The following GPR157 variants were observed in gnomAD, a reference collection of about 807,000 sequenced individuals.
GPR157 encodes G-protein coupled receptor 157.
A neutral mutation model predicts 23.5 loss-of-function variants in GPR157; 16 were observed. That is an observed-to-expected ratio of 0.68 (90% confidence interval 0.46 to 1.04). The LOEUF (loss-of-function observed/expected upper bound fraction) is 1.04. Among genes scored for constraint, GPR157 ranks in the 50% least tolerant of loss-of-function variants. GPR157 has a pLI of 0.00. For missense variants in GPR157, 440 were observed against 460.7 expected (o/e 0.96, Z 0.41); for synonymous variants, 200 against 221.5 (o/e 0.90, Z 0.86).
chr1:9,116,679 G>A (rs1638686806), intron 1 of GPR157, among the ~76,000 whole-genome samples: 1 of 150,610 alleles, frequency 6.6e-6, no homozygotes, highest in Non-Finnish European at 1.5e-5. Flanking sequence ...GAACCGGGGA[G>A]GTGGCAGTGA....
chr1:9,123,656 A>AT lies in GPR157; in HGVS notation c.383+4988dup, dbSNP rs1286442427. On this transcript the variant is annotated intron_variant, in intron 1 of 3. Coordinates refer to ENST00000377411, the MANE Select transcript of GPR157 (RefSeq NM_024980.5). ...AAATATACATTAATATTAAATATATATTAAATATATATTTAATATTAAATA... is the reference window on the plus strand; with the variant it reads ...AAATATACATTAATATTAAATATATATTTAAATATATATTTAATATTAAATA... Among the ~76,000 whole-genome samples, 5 of 113,646 alleles carry AT rather than the reference A, an allele frequency of 4.4e-5. No individual in the cohort carries two copies. In the East Asian group the frequency reaches 1.1e-3, roughly 26 times the overall value. 74.6% of individuals were successfully genotyped at this position (113,646 alleles called of 152,430 possible).
intron 1 of GPR157, among the ~76,000 whole-genome samples, chr1:9,122,203 A>G (rs1638813774): frequency 6.6e-6 from 1 of 152,182 alleles, no homozygotes; most frequent in Admixed American, 6.5e-5. Context: ...TGGGCGTGGT[A>G]AACACACAGC....
intron 1 of GPR157, among the ~76,000 whole-genome samples, chr1:9,112,362 C>T (rs1638530595): frequency 2.0e-5 from 3 of 152,216 alleles, no homozygotes; most frequent in Admixed American, 2.0e-4. Context: ...GGACTTCTTA[C>T]ACAATGGCGG....
chr1:9,121,357 G>T (rs1638795095), intron 1 of GPR157, among the ~76,000 whole-genome samples: 1 of 146,824 alleles, frequency 6.8e-6, no homozygotes, highest in African/African-American at 2.5e-5. Context: ...AACAAAACAG[G>T]CCAGGTGTGG....
chr1:9,124,410 G>A (rs1323484333), intron 1 of GPR157, among the ~76,000 whole-genome samples: 3 of 152,208 alleles, frequency 2.0e-5, no homozygotes, highest in Non-Finnish European at 4.4e-5. Flanking sequence ...GCTTCCCCCT[G>A]CAGAGAGCCT....
intron 2 of GPR157, among the ~76,000 whole-genome samples, chr1:9,110,785 T>C (rs1363730513): frequency 1.3e-5 from 2 of 152,212 alleles, no homozygotes; most frequent in Middle Eastern, 3.2e-3. Flanking sequence ...TAGGATATAA[T>C]AAATCACTAG....
intron 2 of GPR157, among the ~76,000 whole-genome samples, chr1:9,109,855 G>A (rs1296917645): frequency 6.6e-6 from 1 of 152,184 alleles, no homozygotes; most frequent in Non-Finnish European, 1.5e-5. Context: ...CACAACGGGA[G>A]TGGAGGGTGG....
Position 9,105,818 on chromosome 1 carries a change from T to A in GPR157, c.598-138A>T. ...ATGTGTGGTGGAGCCCGGATCCTTC[T>A]CCTGAACCCTGACTGCTAGATCCTC... On this transcript the variant is annotated intron_variant, in intron 2 of 3. Transcript: ENST00000377411. This position sits in a 1 kb window ranked among gnomAD's most constrained non-coding sequence, Gnocchi z 4.8. 1.5e-6 allele frequency: 1 copy of A among 680,856 alleles called. No individual in the cohort carries two copies. Among genetic ancestry groups the A allele is most frequent in the Non-Finnish European group, 2.4e-6 (1 of 409,410 alleles). 42.2% of individuals were successfully genotyped at this position (680,856 alleles called of 1,614,324 possible).
chr1:9,123,785 TA>T lies in GPR157; in HGVS notation c.383+4859del, dbSNP rs1294225463. 9.4e-3 allele frequency among the ~76,000 whole-genome samples: 1,252 copies of T among 133,328 alleles called. 27 individuals carry two copies. Among genetic ancestry groups the T allele is most frequent in the Non-Finnish European group, 0.014 (897 of 64,652 alleles). 87.5% of individuals were successfully genotyped at this position (133,328 alleles called of 152,430 possible). A position where few individuals can be genotyped will look rare whatever the true frequency, so the allele number is the denominator to read the frequency against. ...TTATATATATTTAATATTAAATATA[TA>T]TTTAATATTATATATATATAATATT... On this transcript the variant is annotated intron_variant, in intron 1 of 3. Transcript: ENST00000377411.
intron 1 of GPR157, among the ~76,000 whole-genome samples, chr1:9,111,873 G>A (rs1638511601): frequency 6.6e-6 from 1 of 152,170 alleles, no homozygotes; most frequent in South Asian, 2.1e-4. Context: ...GGGAGGCTGA[G>A]GCAGGAGAAT....
In GPR157 at chr1:9,128,935, C is replaced by T. The variant is rs1639032622; in HGVS notation, c.93G>A (p.Leu31=). ...SCALSALGSG[L]LVATHALWPD... is the part of the protein sequence containing the mutation. ...GCCACAGGGCGTGCGTGGCCACCAG[C>T]AGGCCCGAGCCGAGCGCGGAGAGTG... is the stretch of plus-strand genomic sequence containing the variant. Residue 31 remains leucine (L), a synonymous_variant, in exon 1 of 4, where the codon CTG becomes CTA. Coordinates refer to ENST00000377411, the MANE Select transcript of GPR157 (RefSeq NM_024980.5). The surrounding 1 kb of genome is among the most constrained non-coding windows in gnomAD (Gnocchi z 6.3). 1.3e-6 allele frequency: 2 copies of T among 1,520,722 alleles called. No homozygotes were observed. The highest frequency in any genetic ancestry group is 2.8e-5 in the African/African-American group (2 of 72,264). The allele number at this position is 1,520,722 out of a possible 1,614,324, so 94.2% of individuals were successfully genotyped here.
At position 9,111,285 on chromosome 1, in the gene GPR157, G is replaced by T. The variant is rs1409649998; in HGVS notation, c.588C>A (p.Ile196=). The T allele has an allele frequency of 6.2e-7, 1 of 1,614,156 alleles. No homozygotes were observed. Among genetic ancestry groups the T allele is most frequent in the Admixed American group, 1.7e-5 (1 of 60,028 alleles). Residue 196 remains isoleucine (I), a synonymous_variant, in exon 2 of 4, where the codon ATC becomes ATA. Transcript: ENST00000377411. ...PLLYLLVRKH[I]NRAHTALSEY... ...TAAGGGCAGCGCCTACCGCTCTGTT[G>T]ATGTGCTTCCGGACCAGGAGGTACA...
chr1:9,123,776 T>TA (rs1557701449), intron 1 of GPR157, among the ~76,000 whole-genome samples: 1 of 130,368 alleles, frequency 7.7e-6, no homozygotes, highest in African/African-American at 2.8e-5. Context: ...ATATTTAATA[T>TA]TAAATATATA....
At chr1:9,111,867 G>A (rs1638511454) in intron 1 of GPR157, among the ~76,000 whole-genome samples, 1 of 152,198 alleles carries the variant, frequency 6.6e-6, no homozygotes, top group Non-Finnish European at 1.5e-5. Flanking sequence ...CTACTTGGGA[G>A]GCTGAGGCAG....
At chr1:9,107,091 GTTATTCACCCTT>G (rs1638359901) in intron 2 of GPR157, among the ~76,000 whole-genome samples, 1 of 152,170 alleles carries the variant, frequency 6.6e-6, no homozygotes, top group Admixed American at 6.5e-5. Context: ...GTCCCACGAT[GTTATTCACCCTT>G]GTTCCTTGGG....
In GPR157 at chr1:9,105,521, G is replaced by C. The variant is rs751315315; in HGVS notation, c.757C>G (p.Pro253Ala). The C allele has an allele frequency of 3.8e-6, 6 of 1,588,062 alleles. No homozygotes were observed. Among genetic ancestry groups the C allele is most frequent in the Non-Finnish European group, 5.1e-6 (6 of 1,167,836 alleles). Residue 253 changes from proline (P) to alanine (A), a missense_variant, in exon 3 of 4, where the codon CCG (proline) becomes GCG (alanine). By Grantham distance (27) the Pro-to-Ala change is conservative. Transcript: ENST00000377411. This position sits in a 1 kb window ranked among gnomAD's most constrained non-coding sequence, Gnocchi z 4.8. ...ACCAGCACCGGCGTCTGCACGGCCG[G>C]GGAGCCACAGAGGGTCAGCACGAAC... ...VRFVLTLCGS[P>A]AVQTPVLVVL...
rs769155205 is a variant in GPR157 at position 9,128,635 on chromosome 1, C to G, written c.383+10G>C. The G allele has an allele frequency of 8.7e-6, 14 of 1,611,992 alleles. No individual in the cohort carries two copies. The highest frequency in any genetic ancestry group is 1.2e-5 in the Non-Finnish European group (14 of 1,179,418). On this transcript the variant is annotated intron_variant, in intron 1 of 3. Transcript: ENST00000377411. The surrounding 1 kb of genome is among the most constrained non-coding windows in gnomAD (Gnocchi z 6.3). Reference sequence around the variant, plus strand: ...GGGGCTCCTGGAAAAGCAGCGCCACCGCCACCCACCTGACGACATGGAAGG... The same window carrying G: ...GGGGCTCCTGGAAAAGCAGCGCCACGGCCACCCACCTGACGACATGGAAGG...
chr1:9,114,007 T>C (rs967368409), intron 1 of GPR157, among the ~76,000 whole-genome samples: 1 of 121,084 alleles, frequency 8.3e-6, no homozygotes, highest in Non-Finnish European at 1.7e-5. Context: ...ACACCACCCA[T>C]AAAAGAAAGG....
chr1:9,128,587 C>G lies in GPR157; in HGVS notation c.383+58G>C. 2 of 1,543,550 alleles carry G rather than the reference C, an allele frequency of 1.3e-6. No homozygotes were observed. Among genetic ancestry groups the G allele is most frequent in the Non-Finnish European group, 1.8e-6 (2 of 1,123,522 alleles). ...AGACGCGGCCTCTGGGAGGGCAAGA[C>G]CGGGAGGGGTCGGCCTGTGTCGGGG... On this transcript the variant is annotated intron_variant, in intron 1 of 3. Coordinates refer to ENST00000377411, the MANE Select transcript of GPR157 (RefSeq NM_024980.5). The surrounding 1 kb of genome is among the most constrained non-coding windows in gnomAD (Gnocchi z 6.3).
Sources: allele counts gnomAD v4.1 joint callset (sites outside exome capture counted in the v4.1 genomes callset), GRCh38; gene constraint gnomAD v4.1.1; non-coding constraint Gnocchi (gnomAD v3.1); transcripts MANE v1.5; gene names NCBI Gene and HGNC (gene_info 2026-07-23, HGNC 2026-07-21).